Variants in CXCL13 observed in about 807,000 individuals in gnomAD.
The protein encoded by CXCL13 is C-X-C motif chemokine ligand 13, also known as C-X-C motif chemokine 13.
CXCL13 carries 7 observed loss-of-function variants against 12.2 expected under a neutral mutation model. The ratio of observed to expected loss-of-function variants is 0.57; its 90% confidence interval spans 0.33 to 1.07. The LOEUF (loss-of-function observed/expected upper bound fraction) is 1.07, where lower values mean the gene tolerates loss of function less well. CXCL13 is among the 50% of genes least tolerant of loss of function. The probability of loss-of-function intolerance (pLI) is 0.04; values close to 1 mark genes in which losing one functional copy is unlikely to be tolerated. For missense variants in CXCL13, 113 were observed against 127.4 expected, an observed-to-expected ratio of 0.89 and a Z score of 0.55; for synonymous variants, 47 against 42.4, an observed-to-expected ratio of 1.11 and a Z score of -0.42.
In CXCL13 at chr4:77,584,174, T is replaced by C. The variant is rs533540841; in HGVS notation, c.-42-21650T>C. ...ACATGATTCCATGGCCTAGATAGTC[T>C]TTAAATATCATTCCTCAAAGACTAT... On this transcript the variant is annotated intron_variant, in intron 1 of 4. Coordinates refer to the CXCL13 transcript ENST00000286758. 3.0e-4 allele frequency among the ~76,000 whole-genome samples: 46 copies of C among 152,272 alleles called. 1 individual carries two copies. The South Asian group carries it at 8.9e-3, about 30-fold the overall frequency.
chr4:77,524,933 A>G (rs139421568), intron 1 of CXCL13, among the ~76,000 whole-genome samples: 2 of 152,344 alleles, frequency 1.3e-5, no homozygotes, highest in African/African-American at 2.4e-5. Flanking sequence ...TAGACCATGC[A>G]TCAGATTATG....
intron 1 of CXCL13, among the ~76,000 whole-genome samples, chr4:77,574,769 T>C (rs1578060900): frequency 6.6e-6 from 1 of 152,004 alleles, no homozygotes; most frequent in East Asian, 1.9e-4. Flanking sequence ...ATCCGTTGTG[T>C]GTGTGATGTC....
intron 1 of CXCL13, among the ~76,000 whole-genome samples, chr4:77,583,025 G>A (rs902808731): frequency 6.6e-6 from 1 of 152,166 alleles, no homozygotes; most frequent in Admixed American, 6.5e-5. Context: ...TGGGGTTGAA[G>A]CTTTTAATGT....
chr4:77,556,529 T>C lies in CXCL13; in HGVS notation c.-43+44741T>C, dbSNP rs147204105. Among the ~76,000 whole-genome samples the C allele has an allele frequency of 3.2e-3, 483 of 152,260 alleles. 4 individuals carry two copies. The highest frequency in any genetic ancestry group is 0.011 in the African/African-American group (466 of 41,558). On this transcript the variant is annotated intron_variant, in intron 1 of 4. Coordinates refer to the CXCL13 transcript ENST00000286758. Reference sequence around the variant, plus strand: ...CCTATAGCTTGATCGGGGTGGTAGGTGCACAAATGTATACATGTGTCAAAA... The same window carrying C: ...CCTATAGCTTGATCGGGGTGGTAGGCGCACAAATGTATACATGTGTCAAAA...
intron 1 of CXCL13, among the ~76,000 whole-genome samples, chr4:77,514,245 G>C (rs1724350754): frequency 6.6e-6 from 1 of 152,116 alleles, no homozygotes; most frequent in East Asian, 1.9e-4. Flanking sequence ...TTGCTATTGT[G>C]AATAGTGCTG....
At chr4:77,576,480 C>T (rs1726199078) in intron 1 of CXCL13, among the ~76,000 whole-genome samples, 1 of 152,164 alleles carries the variant, frequency 6.6e-6, no homozygotes, top group South Asian at 2.1e-4. Context: ...AACAAGAATC[C>T]ACTTTCTTGC....
intron 1 of CXCL13, among the ~76,000 whole-genome samples, chr4:77,513,519 T>C (rs1214219391): frequency 6.6e-6 from 1 of 151,764 alleles, no homozygotes; most frequent in Non-Finnish European, 1.5e-5. Context: ...TGGCACAATC[T>C]CAGCCCACTC....
chr4:77,528,157 A>G (rs980263562), intron 1 of CXCL13, among the ~76,000 whole-genome samples: 1 of 151,982 alleles, frequency 6.6e-6, no homozygotes, highest in African/African-American at 2.4e-5. Context: ...TATGTGCCAC[A>G]TTTTCTTAAT....
chr4:77,573,342 A>G (rs1218269587), intron 1 of CXCL13, among the ~76,000 whole-genome samples: 2 of 150,792 alleles, frequency 1.3e-5, no homozygotes, highest in South Asian at 4.2e-4. Flanking sequence ...GAGTTCCAAG[A>G]AAAAAAGCTA....
At chr4:77,564,495 A>G (rs1472534636) in intron 1 of CXCL13, among the ~76,000 whole-genome samples, 2 of 152,178 alleles carry the variant, frequency 1.3e-5, no homozygotes, top group Non-Finnish European at 2.9e-5. Context: ...TCTGTTCCTG[A>G]TTGTTCCTGA....
chr4:77,571,544 G>A (rs1485165438), intron 1 of CXCL13, among the ~76,000 whole-genome samples: 1 of 151,866 alleles, frequency 6.6e-6, no homozygotes, highest in Non-Finnish European at 1.5e-5. Flanking sequence ...TGGGGCCTTG[G>A]AGAACCTGTG....
intron 1 of CXCL13, among the ~76,000 whole-genome samples, chr4:77,540,414 C>A (rs1270678428): frequency 1.3e-5 from 2 of 152,086 alleles, no homozygotes; most frequent in Admixed American, 1.3e-4. Context: ...TGCCTCCCTG[C>A]CTCCTTCCTC....
chr4:77,518,632 G>A (rs1724493017), intron 1 of CXCL13, among the ~76,000 whole-genome samples: 1 of 152,110 alleles, frequency 6.6e-6, no homozygotes, highest in Non-Finnish European at 1.5e-5. Context: ...TCGAGCCTTG[G>A]CTTTCAGCTT....
chr4:77,590,600 T>C (rs916914319), intron 1 of CXCL13, among the ~76,000 whole-genome samples: 4 of 152,236 alleles, frequency 2.6e-5, no homozygotes, highest in African/African-American at 4.8e-5. Flanking sequence ...TTCCTTCTTT[T>C]TCTGCTCCTG....
intron 1 of CXCL13, among the ~76,000 whole-genome samples, chr4:77,515,126 G>A (rs1472694791): frequency 1.3e-5 from 2 of 152,164 alleles, no homozygotes; most frequent in Non-Finnish European, 2.9e-5. Context: ...TAGATATGCG[G>A]AGTTATTTCT....
chr4:77,607,138 G>C (rs1050996836), intron 1 of CXCL13, among the ~76,000 whole-genome samples: 16 of 152,280 alleles, frequency 1.1e-4, no homozygotes, highest in African/African-American at 3.9e-4. Flanking sequence ...CAGGACTCTT[G>C]AGCCAGGTCA....
At chr4:77,594,168 G>T (rs1176243642) in intron 1 of CXCL13, among the ~76,000 whole-genome samples, 1 of 152,206 alleles carries the variant, frequency 6.6e-6, no homozygotes, top group Non-Finnish European at 1.5e-5. Context: ...CAAGGGAGCT[G>T]GCTTGAGTCA....
chr4:77,548,922 A>G (rs1265861062), intron 1 of CXCL13, among the ~76,000 whole-genome samples: 1 of 152,216 alleles, frequency 6.6e-6, no homozygotes, highest in Non-Finnish European at 1.5e-5. Flanking sequence ...TGATATCCTG[A>G]AGAGTGTTTT....
intron 1 of CXCL13, among the ~76,000 whole-genome samples, chr4:77,515,323 G>T (rs933361131): frequency 6.6e-6 from 1 of 152,046 alleles, no homozygotes; most frequent in Non-Finnish European, 1.5e-5. Context: ...CTTTAAAGTA[G>T]TTTTTTCCAA....
Sources: allele counts gnomAD v4.1 joint callset (sites outside exome capture counted in the v4.1 genomes callset), GRCh38; gene constraint gnomAD v4.1.1; transcripts MANE v1.5; gene names NCBI Gene and HGNC (gene_info 2026-07-23, HGNC 2026-07-21).